The following KCNJ11 variants were observed in gnomAD, a reference collection of about 807,000 sequenced individuals.
The protein encoded by KCNJ11 is potassium inwardly rectifying channel subfamily J member 11, also known as ATP-sensitive inward rectifier potassium channel 11.
KCNJ11 carries 12 observed loss-of-function variants against 17.3 expected under a neutral mutation model. That is an observed-to-expected ratio of 0.69 (90% CI 0.44 to 1.12). The LOEUF (loss-of-function observed/expected upper bound fraction) is 1.12, where lower values mean the gene tolerates loss of function less well. KCNJ11 is among the 50% of genes most tolerant of loss of function. The pLI is 0.00. For synonymous variants in KCNJ11, 211 were observed against 223.4 expected (o/e 0.94, Z 0.50); for missense variants, 386 against 554.1 (o/e 0.70, Z 3.05).
At position 17,387,330 on chromosome 11, in the gene KCNJ11, C is replaced by T. The variant is rs761931092; in HGVS notation, c.762G>A (p.Pro254=). 35 of 1,613,964 alleles carry T rather than the reference C, an allele frequency of 2.2e-5. No homozygotes were observed. The highest frequency in any genetic ancestry group is 6.7e-5 in the East Asian group (3 of 44,860). The change falls in exon 1 of 1, where the codon CCG becomes CCA. Residue 254 remains proline (P), a synonymous_variant. Transcript: ENST00000339994. ...VGGNSIFLVA[P]LIIYHVIDAN... is the part of the protein sequence containing the mutation. Reference sequence around the variant, plus strand: ...CATCAATGACATGGTAGATGATCAGCGGGGCCACCAGGAAGATGCTGTTGC... The same window carrying T: ...CATCAATGACATGGTAGATGATCAGTGGGGCCACCAGGAAGATGCTGTTGC...
Position 17,387,799 on chromosome 11 carries a change from C to T in KCNJ11, c.293G>A (p.Gly98Asp), listed in dbSNP as rs769538059. 2.5e-6 allele frequency: 4 copies of T among 1,614,118 alleles called. 1 individual carries two copies. The highest frequency in any genetic ancestry group is 3.4e-6 in the Non-Finnish European group (4 of 1,180,018). Residue 98 changes from glycine (G) to aspartate (D), a missense_variant, in exon 1 of 1, where the codon GGT becomes GAT. Coordinates refer to ENST00000339994, the MANE Select transcript of KCNJ11 (RefSeq NM_000525.4). ...AGTGCCCTCGCTGGGGGCCAGGTCA[C>T]CGTGGGCGAAGGCGATGAGCCACCA... Reference protein sequence around the residue: ...MAWWLIAFAHGDLAPSEGTAE... With the variant: ...MAWWLIAFAHDDLAPSEGTAE...
At position 17,386,724 on chromosome 11, in the gene KCNJ11, G is replaced by A; in HGVS notation, c.*195C>T. On this transcript the variant is annotated 3_prime_UTR_variant, in exon 1 of 1. Coordinates refer to ENST00000339994, the MANE Select transcript of KCNJ11 (RefSeq NM_000525.4). ...GTCCTGAATTGGGTTGGGAGGAGCA[G>A]GGACAAAAATAACCCAGTACAGGTT... 1.2e-5 allele frequency: 7 copies of A among 595,508 alleles called. No homozygotes were observed. The highest frequency in any genetic ancestry group is 2.1e-5 in the Non-Finnish European group (7 of 337,780). 36.9% of individuals were successfully genotyped at this position (595,508 alleles called of 1,614,324 possible).
At position 17,387,790 on chromosome 11, in the gene KCNJ11, G is replaced by C. The variant is rs1014454531; in HGVS notation, c.302C>G (p.Ala101Gly). 4.3e-6 allele frequency: 7 copies of C among 1,614,130 alleles called. No homozygotes were observed. Among genetic ancestry groups the C allele is most frequent in the Middle Eastern group, 1.6e-4 (1 of 6,062 alleles). ...GGGCTCAGCAGTGCCCTCGCTGGGG[G>C]CCAGGTCACCGTGGGCGAAGGCGAT... ...WLIAFAHGDL[A>G]PSEGTAEPCV... is the part of the protein sequence containing the mutation. Residue 101 changes from alanine to glycine, a missense_variant, in exon 1 of 1, where the codon GCC (alanine) becomes GGC (glycine). Physicochemically the swap from Ala to Gly is moderately conservative, Grantham distance 60 (BLOSUM62 0). Coordinates refer to ENST00000339994, the MANE Select transcript of KCNJ11 (RefSeq NM_000525.4).
chr11:17,388,155 G>T lies in KCNJ11; in HGVS notation c.-64C>A, dbSNP rs1041065756. On this transcript the variant is annotated 5_prime_UTR_variant, in exon 1 of 1. Transcript: ENST00000339994. The stretch of plus-strand genomic sequence containing the variant: ...AGGCACCCCTCGGACGTGGCCTAGG[G>T]CCTCACTGCAGAGTCCTCTCGGTGG... 5.4e-6 allele frequency: 8 copies of T among 1,492,138 alleles called. No homozygotes were observed. Among genetic ancestry groups the T allele is most frequent in the Non-Finnish European group, 7.4e-6 (8 of 1,078,310 alleles). 92.4% of individuals were successfully genotyped at this position (1,492,138 alleles called of 1,614,324 possible). A position where few individuals can be genotyped will look rare whatever the true frequency, so the allele number is the denominator to read the frequency against.
At position 17,388,149 on chromosome 11, in the gene KCNJ11, C is replaced by A; in HGVS notation, c.-58G>T. 3 of 1,531,068 alleles carry A rather than the reference C, an allele frequency of 2.0e-6. No homozygotes were observed. Among genetic ancestry groups the A allele is most frequent in the Non-Finnish European group, 2.7e-6 (3 of 1,112,700 alleles). The allele number at this position is 1,531,068 out of a possible 1,614,324, so 94.8% of individuals were successfully genotyped here. A position where few individuals can be genotyped will look rare whatever the true frequency, so the allele number is the denominator to read the frequency against. ...CATCGGAGGCACCCCTCGGACGTGG[C>A]CTAGGGCCTCACTGCAGAGTCCTCT... is the stretch of plus-strand genomic sequence containing the variant. On this transcript the variant is annotated 5_prime_UTR_variant, in exon 1 of 1. Coordinates refer to ENST00000339994, the MANE Select transcript of KCNJ11 (RefSeq NM_000525.4).
upstream of KCNJ11, chr11:17,388,951 C>G: frequency 2.3e-6 from 1 of 427,530 alleles, no homozygotes; most frequent in South Asian, 1.6e-5. Context: ...GGAGCGCCCC[C>G]GCCGCTTTCC....
Position 17,388,375 on chromosome 11 carries a change from T to C in KCNJ11, c.-284A>G, listed in dbSNP as rs1399891853. 1 of 469,256 alleles carries C rather than the reference T, an allele frequency of 2.1e-6. No individual in the cohort carries two copies. The highest frequency in any genetic ancestry group is 2.0e-5 in the African/African-American group (1 of 51,266). 29.1% of individuals were successfully genotyped at this position (469,256 alleles called of 1,614,324 possible). A position where few individuals can be genotyped will look rare whatever the true frequency, so the allele number is the denominator to read the frequency against. ...GGAGGGCAGATCACTAGGTCAGGAG[T>C]TCGAGACCAGCCTGACCAACATGGT... On this transcript the variant is annotated 5_prime_UTR_variant, in exon 1 of 1. Coordinates refer to ENST00000339994, the MANE Select transcript of KCNJ11 (RefSeq NM_000525.4).
chr11:17,387,084 G>T lies in KCNJ11; in HGVS notation c.1008C>A (p.Thr336=), dbSNP rs538566992. ...TGCAGAGTGGTGTGGGCACTTTGAC[G>T]GTGTTGCCAAACTTGGAGTAGTCCA... is the stretch of plus-strand genomic sequence containing the variant. ...YSVDYSKFGN[T]VKVPTPLCTA... is the part of the protein sequence containing the mutation. The change falls in exon 1 of 1, where the codon ACC becomes ACA. Residue 336 remains threonine (T), a synonymous_variant. Transcript: ENST00000339994. The T allele has an allele frequency of 2.5e-6, 4 of 1,614,212 alleles. No homozygotes were observed. The highest frequency in any genetic ancestry group is 3.4e-6 in the Non-Finnish European group (4 of 1,180,018).
rs2133379868 is a variant in KCNJ11 at position 17,387,463 on chromosome 11, A to G, written c.629T>C (p.Ile210Thr). The change falls in exon 1 of 1, where the codon ATC (isoleucine) becomes ACC (threonine). Residue 210 changes from isoleucine (I) to threonine (T), a missense_variant. Coordinates refer to ENST00000339994, the MANE Select transcript of KCNJ11 (RefSeq NM_000525.4). The part of the protein sequence containing the change: ...LRVGDLRKSM[I>T]ISATIHMQVV... The stretch of plus-strand genomic sequence containing the variant: ...CTGCATGTGGATGGTGGCGCTGATG[A>G]TCATGCTCTTGCGGAGGTCACCCAC... 6.2e-7 allele frequency: 1 copy of G among 1,613,008 alleles called. No individual in the cohort carries two copies. Among genetic ancestry groups the G allele is most frequent in the Non-Finnish European group, 8.5e-7 (1 of 1,179,992 alleles).
chr11:17,385,290 A>G lies in KCNJ11; in HGVS notation c.*1629T>C, dbSNP rs1215177020. Among the ~76,000 whole-genome samples the G allele has an allele frequency of 6.6e-6, 1 of 152,272 alleles. No individual in the cohort carries two copies. The highest frequency in any genetic ancestry group is 1.5e-5 in the Non-Finnish European group (1 of 68,052). On this transcript the variant is annotated 3_prime_UTR_variant, in exon 1 of 1. Transcript: ENST00000339994. ...CGTTTCCTCAGCATGTAGCTGATTCAGCAGCAATCACAATAGTTAACATTT... is the reference window on the plus strand; with the variant it reads ...CGTTTCCTCAGCATGTAGCTGATTCGGCAGCAATCACAATAGTTAACATTT...
In KCNJ11 at chr11:17,388,275, A is replaced by G. The variant is rs1953598195; in HGVS notation, c.-184T>C. ...TCTTCCTTACCTCCACCTGGGTCCC[A>G]CTTCACTTCTTAATACCAGCCTCAG... On this transcript the variant is annotated 5_prime_UTR_variant, in exon 1 of 1. Transcript: ENST00000339994. 3.2e-6 allele frequency: 2 copies of G among 616,334 alleles called. No homozygotes were observed. The highest frequency in any genetic ancestry group is 3.0e-5 in the Admixed American group (1 of 33,370). 38.2% of individuals were successfully genotyped at this position (616,334 alleles called of 1,614,324 possible). A position where few individuals can be genotyped will look rare whatever the true frequency, so the allele number is the denominator to read the frequency against.
In KCNJ11 at chr11:17,388,460, A is replaced by G. The variant is rs1364465743; in HGVS notation, c.-369T>C. 33 of 295,224 alleles carry G rather than the reference A, an allele frequency of 1.1e-4. No individual in the cohort carries two copies. The Admixed American group carries it at 1.5e-3, about 14-fold the overall frequency. 18.3% of individuals were successfully genotyped at this position (295,224 alleles called of 1,614,324 possible). On this transcript the variant is annotated 5_prime_UTR_variant, in exon 1 of 1. Coordinates refer to ENST00000339994, the MANE Select transcript of KCNJ11 (RefSeq NM_000525.4). ...CCGGGCATGGTGGTGCGCACCTGTA[A>G]TCCCAGCTACTCAGGAAGCTGAGGC...
Position 17,387,578 on chromosome 11 carries a change from C to A in KCNJ11, c.514G>T (p.Ala172Ser). ...GTCTCAGCCCTGCGGTGGGCTTGGG[C>A]AGTCTTCATGAAGATGCAGCCAAGC... ...IMLGCIFMKTAQAHRRAETLI... is the reference protein window; with the variant it reads ...IMLGCIFMKTSQAHRRAETLI... Residue 172 changes from alanine (A) to serine (S), a missense_variant, in exon 1 of 1, where the codon GCC (alanine) becomes TCC (serine). By Grantham distance (99) the Ala-to-Ser change is moderately conservative. Transcript: ENST00000339994. 1 of 1,613,242 alleles carries A rather than the reference C, an allele frequency of 6.2e-7. No homozygotes were observed. Among genetic ancestry groups the A allele is most frequent in the Non-Finnish European group, 8.5e-7 (1 of 1,179,920 alleles).
At chr11:17,388,751 C>G (rs1953605575), upstream of KCNJ11, 1 of 440,882 alleles carries the variant, frequency 2.3e-6, no homozygotes, top group African/African-American at 2.0e-5. Context: ...CCCCGCCCAG[C>G]CTGCCTTCCC....
In KCNJ11 at chr11:17,387,744, G is replaced by A; in HGVS notation, c.348C>T (p.Ser116=). Residue 116 remains serine (S), a synonymous_variant, in exon 1 of 1, where the codon TCC becomes TCT. Transcript: ENST00000339994. The part of the protein sequence containing the change: ...TAEPCVTSIH[S]FSSAFLFSIE... The stretch of plus-strand genomic sequence containing the variant: ...TGGAGAAAAGGAAGGCAGACGAGAA[G>A]GAGTGGATGCTGGTGACACAGGGCT... 1 of 1,614,186 alleles carries A rather than the reference G, an allele frequency of 6.2e-7. No homozygotes were observed. Among genetic ancestry groups the A allele is most frequent in the Non-Finnish European group, 8.5e-7 (1 of 1,180,050 alleles).
upstream of KCNJ11, chr11:17,388,917 C>A (rs1296477257): frequency 2.2e-6 from 1 of 453,192 alleles, no homozygotes; most frequent in Admixed American, 2.4e-5. Context: ...AGGTGCGCCC[C>A]CTATGTCCTA....
At chr11:17,388,922 G>A, upstream of KCNJ11, 1 of 448,362 alleles carries the variant, frequency 2.2e-6, no homozygotes, top group Non-Finnish European at 4.5e-6. Flanking sequence ...CGCCCCCTAT[G>A]TCCTACTCCA....
At position 17,388,160 on chromosome 11, in the gene KCNJ11, A is replaced by G; in HGVS notation, c.-69T>C. 1 of 1,421,314 alleles carries G rather than the reference A, an allele frequency of 7.0e-7. No individual in the cohort carries two copies. Among genetic ancestry groups the G allele is most frequent in the Non-Finnish European group, 9.8e-7 (1 of 1,019,856 alleles). The allele number at this position is 1,421,314 out of a possible 1,614,324, so 88.0% of individuals were successfully genotyped here. A position where few individuals can be genotyped will look rare whatever the true frequency, so the allele number is the denominator to read the frequency against. On this transcript the variant is annotated 5_prime_UTR_variant, in exon 1 of 1. Coordinates refer to ENST00000339994, the MANE Select transcript of KCNJ11 (RefSeq NM_000525.4). ...CCCCTCGGACGTGGCCTAGGGCCTC[A>G]CTGCAGAGTCCTCTCGGTGGGCACC...
At position 17,387,251 on chromosome 11, in the gene KCNJ11, G is replaced by C; in HGVS notation, c.841C>G (p.Leu281Val). 13 of 1,614,194 alleles carry C rather than the reference G, an allele frequency of 8.1e-6. No homozygotes were observed. The highest frequency in any genetic ancestry group is 1.0e-5 in the Non-Finnish European group (12 of 1,180,002). Residue 281 changes from leucine (L) to valine (V), a missense_variant, in exon 1 of 1, where the codon CTC becomes GTC. Physicochemically the swap from Leu to Val is conservative, Grantham distance 32. Coordinates refer to ENST00000339994, the MANE Select transcript of KCNJ11 (RefSeq NM_000525.4). ...CCTTCCAGGATGACGATGATCTCGA[G>C]GTCCTGGTGGTGGTGCAGGTCGCTG... ...APSDLHHHQD[L>V]EIIVILEGVV...
Sources: gnomAD v4.1 joint callset for allele counts (sites outside exome capture counted in the v4.1 genomes callset) on GRCh38, gnomAD v4.1.1 for gene constraint, MANE v1.5 for transcripts, NCBI Gene and HGNC (gene_info 2026-07-23, HGNC 2026-07-21) for gene names.